ABCC6: variants seen among roughly 807,000 people sequenced by gnomAD.
The protein encoded by ABCC6 is ATP-binding cassette sub-family C member 6.
ABCC6 carries 126 observed loss-of-function variants against 169.5 expected under a neutral mutation model. The observed-to-expected ratio is 0.74, with a 90% CI of 0.64 to 0.86. The LOEUF (loss-of-function observed/expected upper bound fraction) is 0.86, where lower values mean the gene tolerates loss of function less well. Among genes scored for constraint, ABCC6 ranks in the 40% least tolerant of loss-of-function variants. ABCC6 has a pLI of 0.00. For synonymous variants in ABCC6, 752 were observed against 814.7 expected (o/e 0.92, Z 1.31); for missense variants, 1,733 against 1,927.2 (o/e 0.90, Z 1.89).
intron 30 of ABCC6, 138 bp downstream of exon 30, chr16:16,150,440 C>G (rs2046353841): frequency 2.0e-6 from 3 of 1,496,434 alleles, no homozygotes. Context: ...GCATGTGTTC[C>G]CGGGCATTCC....
chr16:16,160,131 A>G (rs1381874412), intron 25 of ABCC6, among the ~76,000 whole-genome samples: 1 of 151,496 alleles, frequency 6.6e-6, no homozygotes, highest in African/African-American at 2.4e-5. Flanking sequence ...TGAACCTTCA[A>G]CTCCCAGGCC....
intron 21 of ABCC6, among the ~76,000 whole-genome samples, 161 bp from the exon 22 acceptor site, chr16:16,170,014 A>G (rs964588021): frequency 1.4e-4 from 21 of 151,676 alleles, no homozygotes; most frequent in African/African-American, 5.1e-4. Context: ...CAGAAGCACC[A>G]TTTCCCCGAC....
chr16:16,165,808 T>C lies in ABCC6; in HGVS notation c.3121A>G (p.Ile1041Val), dbSNP rs772632852. Residue 1041 changes from isoleucine to valine, a missense_variant, in exon 23 of 31, where the codon ATT becomes GTT. Physicochemically the swap from Ile to Val is conservative, Grantham distance 29. Around this residue, in one of 5 missense-constraint regions of ABCC6, gnomAD observed 1,601 missense variants for 1,635.5 expected, o/e 0.98. Coordinates refer to ENST00000205557, the MANE Select transcript of ABCC6 (RefSeq NM_001171.6). The part of the protein sequence containing the change: ...SPISFFERTP[I>V]GHLLNRFSKE... The stretch of plus-strand genomic sequence containing the variant: ...GAGAAGCGGTTTAGCAGGTGACCAA[T>C]GGGTGTCCGCTCAAAGAAGCTGATG... 1.9e-6 allele frequency: 3 copies of C among 1,613,494 alleles called. No homozygotes were observed. The highest frequency in any genetic ancestry group is 2.5e-6 in the Non-Finnish European group (3 of 1,180,052).
rs142245731 is a variant in ABCC6 at position 16,189,419 on chromosome 16, C to CT, written c.1636-446dup. On this transcript the variant is annotated intron_variant, in intron 12 of 30. Coordinates refer to ENST00000205557, the MANE Select transcript of ABCC6 (RefSeq NM_001171.6). ...CTAGGTGTTGGTGCCATTTGTGGTG[C>CT]TTTTTTTTTTTTTTTTGAGATGAAG... Among the ~76,000 whole-genome samples, 295 of 138,162 alleles carry CT rather than the reference C, an allele frequency of 2.1e-3. 1 individual carries two copies. Among genetic ancestry groups the CT allele is most frequent in the Middle Eastern group, 7.4e-3 (2 of 272 alleles). 90.6% of individuals were successfully genotyped at this position (138,162 alleles called of 152,430 possible).
At chr16:16,169,595 C>T (rs2046992170) in intron 22 of ABCC6, 51 bp downstream of exon 22, 2 of 1,599,796 alleles carry the variant, frequency 1.3e-6, no homozygotes, top group East Asian at 4.5e-5. Flanking sequence ...GTCCTGAGCA[C>T]CCCTTGGTGC....
At chr16:16,198,853 G>A (rs1471017794) in intron 9 of ABCC6, among the ~76,000 whole-genome samples, 1 of 152,010 alleles carries the variant, frequency 6.6e-6, no homozygotes, top group African/African-American at 2.4e-5. Flanking sequence ...AATTAGCTGG[G>A]CATGGTGGCA....
rs997624041 is a variant in ABCC6, at chr16:16,189,040, C to A, written c.1636-66G>T. 1.5e-5 allele frequency: 23 copies of A among 1,584,762 alleles called. No homozygotes were observed. In the African/African-American group the frequency reaches 3.0e-4, roughly 20 times the overall value. ...GCAAGCATGGATAGGGCAGCCTGGGCAAGCTGTGGTGCCTGCACGGTCCAT... is the reference window on the plus strand; with the variant it reads ...GCAAGCATGGATAGGGCAGCCTGGGAAAGCTGTGGTGCCTGCACGGTCCAT... On this transcript the variant is annotated intron_variant, in intron 12 of 30. Transcript: ENST00000205557.
chr16:16,173,086 G>A (rs1287674242), intron 21 of ABCC6, 198 bp downstream of exon 21: 1 of 670,546 alleles, frequency 1.5e-6, no homozygotes. Context: ...GTTTCTTTAT[G>A]TCTGAAATAG....
chr16:16,178,647 C>T, intron 18 of ABCC6, 151 bp downstream of exon 18: 1 of 902,802 alleles, frequency 1.1e-6, no homozygotes, highest in Non-Finnish European at 1.8e-6. Flanking sequence ...TTGTTTGTTA[C>T]ATAGCATTGT....
In ABCC6 at chr16:16,182,588, C is replaced by T; in HGVS notation, c.2071G>A (p.Gly691Ser). 6.2e-7 allele frequency: 1 copy of T among 1,611,460 alleles called. No individual in the cohort carries two copies. Among genetic ancestry groups the T allele is most frequent in the Non-Finnish European group, 8.5e-7 (1 of 1,178,116 alleles). ...SKVEGFVSIE[G>S]AVAYVPQEAW... ...TCCTGGGGCACGTAGGCCACAGCAC[C>T]CTAAAACACAACTTACTTTGGTCAC... The change falls in exon 17 of 31, where the codon GGT becomes AGT. Residue 691 changes from glycine (G) to serine (S), a missense_variant and splice_region_variant. Transcript: ENST00000205557.
At chr16:16,170,735 G>A (rs1338798040) in intron 21 of ABCC6, among the ~76,000 whole-genome samples, 4 of 151,558 alleles carry the variant, frequency 2.6e-5, no homozygotes, top group South Asian at 4.2e-4. Context: ...CTGGACCAAC[G>A]TAGTGAAACC....
intron 22 of ABCC6, 63 bp downstream of exon 22, chr16:16,169,583 G>A (rs1269747033): frequency 8.3e-6 from 13 of 1,574,142 alleles, no homozygotes; most frequent in South Asian, 1.1e-5. Flanking sequence ...TGGGGTAAAG[G>A]AGTCCTGAGC....
chr16:16,170,202 G>A (rs2047016444), intron 21 of ABCC6, among the ~76,000 whole-genome samples: 1 of 151,806 alleles, frequency 6.6e-6, no homozygotes, highest in Admixed American at 6.6e-5. Flanking sequence ...CTAGGCTCAA[G>A]TAATCCCCCC....
At chr16:16,153,721 T>C (rs1265647594) in intron 29 of ABCC6, among the ~76,000 whole-genome samples, 1 of 151,800 alleles carries the variant, frequency 6.6e-6, no homozygotes, top group African/African-American at 2.4e-5. Flanking sequence ...CTGGGCAACA[T>C]GGTGAAACCC....
rs777835756 is a variant in ABCC6, at chr16:16,154,728, C to T, written c.4108G>A (p.Ala1370Thr). The change falls in exon 29 of 31, where the codon GCT becomes ACT. Residue 1370 changes from alanine (A) to threonine (T), a missense_variant. Around this residue, in one of 5 missense-constraint regions of ABCC6, gnomAD observed 1,601 missense variants for 1,635.5 expected, o/e 0.98. Transcript: ENST00000205557. ...ACCGTCTCCAGGGCTGCCCAGATAG[C>T]CTCGTCCGAGTGCTCCTGCAGCAGG... ...LDLLQEHSDE[A>T]IWAALETVQL... 6.2e-7 allele frequency: 1 copy of T among 1,613,432 alleles called. No homozygotes were observed. Among genetic ancestry groups the T allele is most frequent in the Non-Finnish European group, 8.5e-7 (1 of 1,179,836 alleles).
chr16:16,150,830 T>A, intron 29 of ABCC6, 58 bp from the exon 30 acceptor site: 1 of 1,587,660 alleles, frequency 6.3e-7, no homozygotes, highest in Non-Finnish European at 8.6e-7. Flanking sequence ...TGGTGATGTG[T>A]GGGTGTGCCC....
At chr16:16,159,947 T>C (rs1431239557) in intron 25 of ABCC6, among the ~76,000 whole-genome samples, 1 of 152,124 alleles carries the variant, frequency 6.6e-6, no homozygotes, top group East Asian at 1.9e-4. Flanking sequence ...TCGCAGCGAC[T>C]GGGTGGCCAC....
At chr16:16,167,160 A>G (rs745462888) in intron 22 of ABCC6, among the ~76,000 whole-genome samples, 6 of 152,320 alleles carry the variant, frequency 3.9e-5, no homozygotes, top group African/African-American at 1.4e-4. Context: ...TGGCCAATCC[A>G]AACCACTGCA....
rs1430348631 is a variant in ABCC6 at position 16,154,977 on chromosome 16, G to A, written c.3937C>T (p.Leu1313=). ...CCCTCAGCTGCCTCCTGGAGCCGCA[G>A]CAGCCCACTGGCCAGGGAGGACTTC... ...AGKSSLASGL[L]RLQEAAEGGI... The change falls in exon 28 of 31, where the codon CTG becomes TTG. Residue 1313 remains leucine, a synonymous_variant. Coordinates refer to ENST00000205557, the MANE Select transcript of ABCC6 (RefSeq NM_001171.6). 2.5e-6 allele frequency: 4 copies of A among 1,575,194 alleles called. No individual in the cohort carries two copies. Among genetic ancestry groups the A allele is most frequent in the Non-Finnish European group, 3.4e-6 (4 of 1,160,686 alleles).
Sources: gnomAD v4.1 joint callset for allele counts (sites outside exome capture counted in the v4.1 genomes callset) on GRCh38, gnomAD v4.1.1 for gene constraint, gnomAD v4.1.1 regional missense constraint, MANE v1.5 for transcripts, NCBI Gene and HGNC (gene_info 2026-07-23, HGNC 2026-07-21) for gene names.